The following CFAP20DC variants were observed in gnomAD, a reference collection of about 807,000 sequenced individuals.
The protein encoded by CFAP20DC is protein CFAP20DC.
A neutral mutation model predicts 101.7 loss-of-function variants in CFAP20DC; 84 were observed. The observed-to-expected ratio is 0.83, with a 90% confidence interval of 0.69 to 0.99. CFAP20DC has a LOEUF of 0.99. CFAP20DC is among the 50% of genes least tolerant of loss of function. CFAP20DC has a pLI of 0.00. For synonymous variants in CFAP20DC, 359 were observed against 351.2 expected, an observed-to-expected ratio of 1.02 and a Z score of -0.25; for missense variants, 1,007 against 970.3, an observed-to-expected ratio of 1.04 and a Z score of -0.50.
At chr3:58,967,305 T>C (rs139126610) in intron 4 of CFAP20DC, among the ~76,000 whole-genome samples, 4 of 152,290 alleles carry the variant, frequency 2.6e-5, no homozygotes, top group South Asian at 2.1e-4. Context: ...AACAACTGAA[T>C]ATCCACATGC....
At position 58,864,770 on chromosome 3, in the gene CFAP20DC, T is replaced by C. The variant is rs183132758; in HGVS notation, c.1259-878A>G. Among the ~76,000 whole-genome samples, 9 of 152,318 alleles carry C rather than the reference T, an allele frequency of 5.9e-5. No individual in the cohort carries two copies. Among genetic ancestry groups the C allele is most frequent in the African/African-American group, 2.2e-4 (9 of 41,576 alleles). On this transcript the variant is annotated intron_variant, in intron 11 of 16. Coordinates refer to ENST00000482387, the MANE Select transcript of CFAP20DC (RefSeq NM_001394063.1). The surrounding 1 kb of genome is among the most constrained non-coding windows in gnomAD (Gnocchi z 4.7). The stretch of plus-strand genomic sequence containing the variant: ...GCAGACTTTTCAAGTAATAGTAAAT[T>C]CACAGAAATATTTGCTAATCCAAGC...
chr3:59,009,125 A>C (rs1026036974), intron 4 of CFAP20DC, among the ~76,000 whole-genome samples: 4 of 152,178 alleles, frequency 2.6e-5, no homozygotes, highest in African/African-American at 9.7e-5. Flanking sequence ...TAAACATCAA[A>C]GTCTGGTCCT....
intron 7 of CFAP20DC, among the ~76,000 whole-genome samples, chr3:58,881,366 C>T (rs2081217718): frequency 6.6e-6 from 1 of 152,062 alleles, no homozygotes; most frequent in Non-Finnish European, 1.5e-5. Flanking sequence ...ATAACCAGAT[C>T]TGATTCTCTG....
At position 58,882,020 on chromosome 3, in the gene CFAP20DC, T is replaced by C. The variant is rs2081266272; in HGVS notation, c.715+2525A>G. Among the ~76,000 whole-genome samples the C allele has an allele frequency of 6.6e-6, 1 of 152,184 alleles. No homozygotes were observed. The highest frequency in any genetic ancestry group is 1.5e-5 in the Non-Finnish European group (1 of 68,002). ...AAAGAGAACCACAAAGTGCAATTTA[T>C]GTTTGTGTAATCTTAGCTGGCATAC... On this transcript the variant is annotated intron_variant, in intron 7 of 16. Coordinates refer to ENST00000482387, the MANE Select transcript of CFAP20DC (RefSeq NM_001394063.1). The surrounding 1 kb of genome is among the most constrained non-coding windows in gnomAD (Gnocchi z 4.2).
rs1575672422 is a variant in CFAP20DC at position 58,799,833 on chromosome 3, G to C, written c.2237+6562C>G. 6.6e-6 allele frequency among the ~76,000 whole-genome samples: 1 copy of C among 151,956 alleles called. No homozygotes were observed. Among genetic ancestry groups the C allele is most frequent in the Admixed American group, 6.6e-5 (1 of 15,248 alleles). On this transcript the variant is annotated intron_variant, in intron 15 of 16. Transcript: ENST00000482387. This position sits in a 1 kb window ranked among gnomAD's most constrained non-coding sequence, Gnocchi z 4.9. ...ATGTGATGAAAACAAAAAAGATAAT[G>C]TGCTAAAGGTGACTGAGGGCTATTT...
At chr3:58,848,136 G>A (rs1284691122) in intron 13 of CFAP20DC, among the ~76,000 whole-genome samples, 1 of 127,890 alleles carries the variant, frequency 7.8e-6, no homozygotes, top group Non-Finnish European at 1.6e-5. Flanking sequence ...CCTGCACAAT[G>A]TGCACATGTA....
At chr3:59,038,991 C>T (rs2094150796) in intron 4 of CFAP20DC, among the ~76,000 whole-genome samples, 1 of 151,892 alleles carries the variant, frequency 6.6e-6, no homozygotes. Flanking sequence ...TCTATGCAAG[C>T]GTACCAATCA....
intron 13 of CFAP20DC, among the ~76,000 whole-genome samples, chr3:58,833,528 C>T (rs1410664635): frequency 6.6e-6 from 1 of 152,066 alleles, no homozygotes; most frequent in Non-Finnish European, 1.5e-5. Context: ...AATGAGATAC[C>T]TTCACACCCA....
chr3:58,933,928 G>C (rs544317837), intron 5 of CFAP20DC, among the ~76,000 whole-genome samples: 54 of 151,850 alleles, frequency 3.6e-4, no homozygotes, highest in South Asian at 1.2e-3. Flanking sequence ...AATCAGAGCA[G>C]AACTGAAGGA....
intron 14 of CFAP20DC, among the ~76,000 whole-genome samples, chr3:58,808,686 A>T (rs1182113938): frequency 1.3e-5 from 2 of 152,236 alleles, no homozygotes; most frequent in Non-Finnish European, 2.9e-5. Context: ...CTAACATCAT[A>T]ATGACAGGAT....
intron 13 of CFAP20DC, among the ~76,000 whole-genome samples, chr3:58,838,155 G>A (rs537039735): frequency 1.1e-4 from 16 of 152,240 alleles, no homozygotes; most frequent in African/African-American, 3.1e-4. Flanking sequence ...CTTTTAGCAC[G>A]TGTCTCTACC....
At position 58,788,028 on chromosome 3, in the gene CFAP20DC, C is replaced by G. The variant is rs1046972071; in HGVS notation, c.2237+18367G>C. 2.6e-5 allele frequency among the ~76,000 whole-genome samples: 4 copies of G among 151,726 alleles called. No homozygotes were observed. The highest frequency in any genetic ancestry group is 9.7e-5 in the African/African-American group (4 of 41,278). ...GGGAGGGATAGCATTAGGAGAAACA[C>G]CTAATGTAGATGATGGGTTGATAGG... On this transcript the variant is annotated intron_variant, in intron 15 of 16. Coordinates refer to ENST00000482387, the MANE Select transcript of CFAP20DC (RefSeq NM_001394063.1). The surrounding 1 kb of genome is among the most constrained non-coding windows in gnomAD (Gnocchi z 4.2).
rs1388558354 is a variant in CFAP20DC, at chr3:58,721,712, G to C, written c.198-4084C>G. Among the ~76,000 whole-genome samples the C allele has an allele frequency of 6.6e-6, 1 of 152,220 alleles. No homozygotes were observed. The highest frequency in any genetic ancestry group is 1.5e-5 in the Non-Finnish European group (1 of 68,044). On this transcript the variant is annotated intron_variant, in intron 3 of 3. Coordinates refer to the CFAP20DC transcript ENST00000486145. The surrounding 1 kb of genome is among the most constrained non-coding windows in gnomAD (Gnocchi z 5.2). ...AGGACTTGGATGGCCACGATGCACA[G>C]CATCTAATTTGTGGATTGAATGGGA...
chr3:58,920,376 G>A (rs901898193), intron 5 of CFAP20DC, among the ~76,000 whole-genome samples: 3 of 152,080 alleles, frequency 2.0e-5, no homozygotes, highest in African/African-American at 7.2e-5. Context: ...ATACAGGCAT[G>A]AGCCACCATG....
At chr3:59,005,591 T>C (rs2093415405) in intron 4 of CFAP20DC, among the ~76,000 whole-genome samples, 1 of 152,220 alleles carries the variant, frequency 6.6e-6, no homozygotes, top group African/African-American at 2.4e-5. Flanking sequence ...TCATTTTATA[T>C]CACTTTAGAT....
chr3:58,868,039 T>C lies in CFAP20DC; in HGVS notation c.1016-103A>G. On this transcript the variant is annotated intron_variant, in intron 9 of 16. Transcript: ENST00000482387. This position sits in a 1 kb window ranked among gnomAD's most constrained non-coding sequence, Gnocchi z 4.6. ...TCACTATAATGAGAATATTCATGTA[T>C]AATTTTGACATAATGTGAAGATACA... 1 of 1,285,798 alleles carries C rather than the reference T, an allele frequency of 7.8e-7. No homozygotes were observed. The highest frequency in any genetic ancestry group is 1.5e-5 in the African/African-American group (1 of 65,332). The allele number at this position is 1,285,798 out of a possible 1,614,324, so 79.6% of individuals were successfully genotyped here. A position where few individuals can be genotyped will look rare whatever the true frequency, so the allele number is the denominator to read the frequency against.
At chr3:58,828,683 G>C (rs559680760) in intron 14 of CFAP20DC, among the ~76,000 whole-genome samples, 98 of 152,158 alleles carry the variant, frequency 6.4e-4, no homozygotes, top group Non-Finnish European at 1.1e-3. Flanking sequence ...GATTGAAAAA[G>C]TAACTATTGG....
chr3:58,985,474 T>C (rs1227575100), intron 4 of CFAP20DC, among the ~76,000 whole-genome samples: 1 of 152,170 alleles, frequency 6.6e-6, no homozygotes, highest in Non-Finnish European at 1.5e-5. Context: ...ATCTTCCTAA[T>C]TCATAAAAAC....
chr3:58,769,386 C>T (rs1025633098), intron 15 of CFAP20DC, among the ~76,000 whole-genome samples: 2 of 152,178 alleles, frequency 1.3e-5, no homozygotes, highest in African/African-American at 4.8e-5. Flanking sequence ...GATCAGTCAT[C>T]TCAGTGTGTA....
Sources: allele counts gnomAD v4.1 joint callset (sites outside exome capture counted in the v4.1 genomes callset), GRCh38; gene constraint gnomAD v4.1.1; non-coding constraint Gnocchi (gnomAD v3.1); transcripts MANE v1.5; gene names NCBI Gene and HGNC (gene_info 2026-07-23, HGNC 2026-07-21).